The following ATRNL1 variants were observed in gnomAD, a reference collection of about 807,000 sequenced individuals.
The protein encoded by ATRNL1 is attractin-like protein 1.
ATRNL1 carries 95 observed loss-of-function variants against 182.7 expected under a neutral mutation model. The observed-to-expected ratio is 0.52, with a 90% CI of 0.44 to 0.62. ATRNL1 has a LOEUF of 0.62. Among genes scored for constraint, ATRNL1 ranks in the 20% least tolerant of loss-of-function variants. ATRNL1 has a pLI of 0.00. For missense variants in ATRNL1, 1,471 were observed against 1,679.5 expected (o/e 0.88, Z 2.17); for synonymous variants, 576 against 568.3 (o/e 1.01, Z -0.19).
chr10:115,472,094 A>G lies in ATRNL1; in HGVS notation c.3654+2765A>G, dbSNP rs1222610139. Among the ~76,000 whole-genome samples, 5 of 151,064 alleles carry G rather than the reference A, an allele frequency of 3.3e-5. No homozygotes were observed. In the East Asian group the frequency reaches 5.8e-4, roughly 18 times the overall value. On this transcript the variant is annotated intron_variant, in intron 24 of 28. Transcript: ENST00000355044. ...TATCCCAGTGTTACCAATACCATTT[A>G]TTGAAGAGACTGTGTTTCCTTTACT...
intron 26 of ATRNL1, among the ~76,000 whole-genome samples, chr10:115,664,298 A>G (rs782668990): frequency 6.6e-6 from 1 of 152,200 alleles, no homozygotes; most frequent in Non-Finnish European, 1.5e-5. Context: ...CAGCTTCACC[A>G]TAGCAAAAGC....
At chr10:115,177,573 A>T (rs980275072) in intron 8 of ATRNL1, among the ~76,000 whole-genome samples, 46 of 152,140 alleles carry the variant, frequency 3.0e-4, no homozygotes, top group African/African-American at 1.1e-3. Flanking sequence ...AATTTTCTTT[A>T]ACTATTAACC....
rs71010006 is a variant in ATRNL1, at chr10:115,098,453, C to CTTTT, written c.293+4433_293+4436dup. 1.4e-4 allele frequency among the ~76,000 whole-genome samples: 11 copies of CTTTT among 80,752 alleles called. 1 individual carries two copies. The highest frequency in any genetic ancestry group is 6.2e-4 in the African/African-American group (10 of 16,022). 53.0% of individuals were successfully genotyped at this position (80,752 alleles called of 152,430 possible). ...CTAATCTTAGCTTAAATACTAGTTTCTTTTTTTTTTTTTTTTTTTTTTTTT... is the reference window on the plus strand; with the variant it reads ...CTAATCTTAGCTTAAATACTAGTTTCTTTTTTTTTTTTTTTTTTTTTTTTTTTTT... On this transcript the variant is annotated intron_variant, in intron 1 of 28. Coordinates refer to ENST00000355044, the MANE Select transcript of ATRNL1 (RefSeq NM_207303.4).
chr10:115,765,128 C>G (rs1037207669), intron 27 of ATRNL1, among the ~76,000 whole-genome samples: 4 of 152,176 alleles, frequency 2.6e-5, no homozygotes, highest in Non-Finnish European at 4.4e-5. Context: ...TATGCTGCTA[C>G]AAACATCCAT....
intron 27 of ATRNL1, among the ~76,000 whole-genome samples, chr10:115,731,984 G>A (rs1203707710): frequency 6.6e-6 from 1 of 152,096 alleles, no homozygotes; most frequent in Non-Finnish European, 1.5e-5. Flanking sequence ...GTGTTGTAGC[G>A]CCTGTTAGTG....
chr10:115,374,453 T>TTCCTTTCCTTCCTTCC (rs1421460494), intron 19 of ATRNL1, among the ~76,000 whole-genome samples: 5 of 135,798 alleles, frequency 3.7e-5, no homozygotes, highest in African/African-American at 5.8e-5. Flanking sequence ...CCTTCCTTCC[T>TTCCTTTCCTTCCTTCC]TTCCTTCCTT....
intron 26 of ATRNL1, among the ~76,000 whole-genome samples, chr10:115,646,465 G>A (rs1235700417): frequency 1.3e-5 from 2 of 152,054 alleles, no homozygotes; most frequent in African/African-American, 4.8e-5. Flanking sequence ...ACAGCTAGCA[G>A]AATGTTAAAG....
At chr10:115,876,896 T>G (rs1951712947) in intron 28 of ATRNL1, among the ~76,000 whole-genome samples, 1 of 152,226 alleles carries the variant, frequency 6.6e-6, no homozygotes, top group Non-Finnish European at 1.5e-5. Context: ...TTTTTCTGTT[T>G]AAAACATTTC....
intron 9 of ATRNL1, among the ~76,000 whole-genome samples, chr10:115,218,292 G>A (rs573104315): frequency 1.3e-5 from 2 of 152,142 alleles, no homozygotes; most frequent in Admixed American, 6.6e-5. Context: ...TCTGCTCCAC[G>A]AAGACAGGAT....
At chr10:115,287,885 A>G (rs1852698245) in intron 15 of ATRNL1, among the ~76,000 whole-genome samples, 1 of 145,706 alleles carries the variant, frequency 6.9e-6, no homozygotes, top group African/African-American at 2.6e-5. Flanking sequence ...CCCAGCCTCT[A>G]GTACCTCTCC....
intron 26 of ATRNL1, among the ~76,000 whole-genome samples, chr10:115,609,298 G>A (rs1310932990): frequency 6.6e-6 from 1 of 152,132 alleles, no homozygotes; most frequent in Admixed American, 6.6e-5. Context: ...TGTCAGTGGA[G>A]TAGCCAGGAT....
At chr10:115,200,677 G>T (rs1379786103) in intron 8 of ATRNL1, among the ~76,000 whole-genome samples, 1 of 140,782 alleles carries the variant, frequency 7.1e-6, no homozygotes. Context: ...GAATAGTGCC[G>T]CAGTAAACAT....
At chr10:115,940,280 T>C (rs1555123897) in intron 28 of ATRNL1, among the ~76,000 whole-genome samples, 2 of 152,146 alleles carry the variant, frequency 1.3e-5, no homozygotes, top group African/African-American at 4.8e-5. Context: ...AGGACATAAA[T>C]TAGGGAAGCT....
chr10:115,924,931 G>A (rs1953177531), intron 28 of ATRNL1, among the ~76,000 whole-genome samples: 1 of 152,096 alleles, frequency 6.6e-6, no homozygotes, highest in African/African-American at 2.4e-5. Context: ...CTTGAGCAGT[G>A]GTTTGTACTT....
chr10:115,365,020 T>C (rs1320420908), intron 19 of ATRNL1, among the ~76,000 whole-genome samples: 1 of 150,400 alleles, frequency 6.6e-6, no homozygotes, highest in Non-Finnish European at 1.5e-5. Flanking sequence ...GGTATCAGAA[T>C]GATGCTGGCC....
At chr10:115,137,041 C>T (rs1554876842) in intron 5 of ATRNL1, among the ~76,000 whole-genome samples, 2 of 152,112 alleles carry the variant, frequency 1.3e-5, no homozygotes, top group South Asian at 4.1e-4. Flanking sequence ...CACAATAGAA[C>T]AGTAATTTTC....
At chr10:115,843,043 C>T (rs1172730547) in intron 27 of ATRNL1, among the ~76,000 whole-genome samples, 2 of 152,022 alleles carry the variant, frequency 1.3e-5, no homozygotes, top group Non-Finnish European at 2.9e-5. Flanking sequence ...GAAACTTGGT[C>T]ATGCCTTGTC....
chr10:115,265,300 T>G, intron 11 of ATRNL1, 23 bp downstream of exon 11: 1 of 1,451,372 alleles, frequency 6.9e-7, no homozygotes, highest in Non-Finnish European at 9.6e-7. Flanking sequence ...CATTTCCAAT[T>G]TTTAGAGGGT....
intron 21 of ATRNL1, 71 bp from the exon 22 acceptor site, chr10:115,461,870 T>C (rs1255197340): frequency 1.1e-6 from 1 of 888,082 alleles, no homozygotes; most frequent in South Asian, 1.6e-5. Context: ...CAATATATTG[T>C]AACCTAAATT....
Sources: allele counts gnomAD v4.1 joint callset (sites outside exome capture counted in the v4.1 genomes callset), GRCh38; gene constraint gnomAD v4.1.1; transcripts MANE v1.5; gene names NCBI Gene and HGNC (gene_info 2026-07-23, HGNC 2026-07-21).